Variants in SLC4A8 observed in about 807,000 individuals in gnomAD.
SLC4A8 encodes the protein solute carrier family 4 member 8.
SLC4A8 carries 40 observed loss-of-function variants against 125.0 expected under a neutral mutation model. The observed-to-expected ratio is 0.32, with a 90% CI of 0.25 to 0.42. The LOEUF is 0.42. Among genes scored for constraint, SLC4A8 ranks in the 10% least tolerant of loss-of-function variants. The probability of loss-of-function intolerance (pLI) is 1.00; values close to 1 mark genes in which losing one functional copy is unlikely to be tolerated. For missense variants in SLC4A8, 863 were observed against 1,355.1 expected, an observed-to-expected ratio of 0.64 and a Z score of 5.70; for synonymous variants, 456 against 476.0, an observed-to-expected ratio of 0.96 and a Z score of 0.55.
At chr12:51,483,387 G>C (rs1394708554) in intron 16 of SLC4A8, among the ~76,000 whole-genome samples, 1 of 150,330 alleles carries the variant, frequency 6.7e-6, no homozygotes. Flanking sequence ...GAAAAGAAAG[G>C]GAGCTCAAAT....
At chr12:51,426,088 C>T (rs780858837) in intron 1 of SLC4A8, among the ~76,000 whole-genome samples, 3 of 152,150 alleles carry the variant, frequency 2.0e-5, no homozygotes, top group Admixed American at 6.5e-5. Flanking sequence ...GATGACACGT[C>T]TTGGAAACAA....
At chr12:51,505,003 A>G (rs1278455381) in intron 23 of SLC4A8, among the ~76,000 whole-genome samples, 1 of 152,236 alleles carries the variant, frequency 6.6e-6, no homozygotes, top group African/African-American at 2.4e-5. Context: ...GAGATTCTGA[A>G]GAATTTACTG....
chr12:51,429,208 G>A (rs566155241), intron 1 of SLC4A8, among the ~76,000 whole-genome samples: 1 of 152,322 alleles, frequency 6.6e-6, no homozygotes, highest in South Asian at 2.1e-4. Context: ...TACTCTGCCA[G>A]GCATAGAGAG....
At chr12:51,474,575 C>A (rs1592245881) in intron 15 of SLC4A8, 128 bp downstream of exon 15, 12 of 1,440,926 alleles carry the variant, frequency 8.3e-6, no homozygotes, top group East Asian at 2.5e-5. Flanking sequence ...TTTTAAAAAA[C>A]AATTCTTACT....
chr12:51,402,511 C>T (rs953738675), intron 1 of SLC4A8, among the ~76,000 whole-genome samples: 2 of 152,064 alleles, frequency 1.3e-5, no homozygotes, highest in Admixed American at 6.5e-5. Flanking sequence ...CACCTGAGGT[C>T]GGGAGTTTGG....
At chr12:51,409,175 C>T (rs1285043791) in intron 1 of SLC4A8, among the ~76,000 whole-genome samples, 4 of 152,210 alleles carry the variant, frequency 2.6e-5, no homozygotes, top group South Asian at 2.1e-4. Context: ...CAGGTACACA[C>T]CACTACACCT....
chr12:51,416,332 C>A (rs2137986838), intron 1 of SLC4A8, among the ~76,000 whole-genome samples: 1 of 144,858 alleles, frequency 6.9e-6, no homozygotes, highest in Non-Finnish European at 1.5e-5. Flanking sequence ...AATTTTGAAA[C>A]AAAGAGATGC....
chr12:51,452,386 T>G (rs530505174), intron 4 of SLC4A8, 127 bp downstream of exon 4: 12 of 1,045,626 alleles, frequency 1.1e-5, no homozygotes, highest in African/African-American at 3.1e-5. Flanking sequence ...GGGACTGACA[T>G]TCCAGTGTCT....
chr12:51,465,048 C>T (rs1645068597), intron 11 of SLC4A8, among the ~76,000 whole-genome samples: 1 of 152,042 alleles, frequency 6.6e-6, no homozygotes, highest in Admixed American at 6.6e-5. Context: ...TTTTAAAAAA[C>T]ATTTTCTTTA....
rs1202458993 is a variant in SLC4A8, at chr12:51,400,800, ACATATATAAACATATATGTTTATATACG to A, written c.-112+9313_-112+9340del. 1.0e-3 allele frequency among the ~76,000 whole-genome samples: 96 copies of A among 94,972 alleles called. 2 individuals are homozygous for A. Among genetic ancestry groups the A allele is most frequent in the African/African-American group, 5.6e-3 (92 of 16,510 alleles). The allele number at this position is 94,972 out of a possible 152,430, so 62.3% of individuals were successfully genotyped here. On this transcript the variant is annotated intron_variant, in intron 1 of 24. Coordinates refer to the SLC4A8 transcript ENST00000358657. Reference sequence around the variant, plus strand: ...TATACATACATACACACACACACACACATATATAAACATATATGTTTATATACGTATATAAACATATATGTTTATATAC... The same window carrying A: ...TATACATACATACACACACACACACATATATAAACATATATGTTTATATAC...
chr12:51,489,042 T>C (rs1391696895), intron 18 of SLC4A8, among the ~76,000 whole-genome samples, 182 bp downstream of exon 18: 2 of 152,354 alleles, frequency 1.3e-5, no homozygotes, highest in East Asian at 3.9e-4. Context: ...TTGTATGGTA[T>C]GAAAGCAACG....
intron 1 of SLC4A8, among the ~76,000 whole-genome samples, chr12:51,412,469 T>A (rs1479995287): frequency 3.3e-5 from 5 of 152,236 alleles, no homozygotes; most frequent in Non-Finnish European, 7.3e-5. Flanking sequence ...TATTTTGAAA[T>A]ATACAATAAA....
chr12:51,477,110 G>A (rs1339988412), intron 16 of SLC4A8, among the ~76,000 whole-genome samples: 4 of 151,710 alleles, frequency 2.6e-5, no homozygotes, highest in African/African-American at 9.7e-5. Context: ...CTCCATGTTG[G>A]TTAGGCTGGT....
intron 1 of SLC4A8, among the ~76,000 whole-genome samples, chr12:51,416,218 T>TTTG (rs1295301435): frequency 2.7e-5 from 4 of 149,652 alleles, no homozygotes; most frequent in African/African-American, 7.3e-5. Flanking sequence ...TTTGTTTTTT[T>TTTG]TTTTTTTTTT....
chr12:51,473,008 C>A (rs184439579), intron 14 of SLC4A8, among the ~76,000 whole-genome samples: 1 of 152,060 alleles, frequency 6.6e-6, no homozygotes, highest in African/African-American at 2.4e-5. Context: ...TATCCCACAC[C>A]GGAGTGGTAA....
chr12:51,416,484 A>G (rs1448251718), intron 1 of SLC4A8, among the ~76,000 whole-genome samples: 1 of 152,064 alleles, frequency 6.6e-6, no homozygotes. Context: ...CTCTACTAAA[A>G]ATACAAAAAT....
At chr12:51,444,524 A>G (rs937146771) in intron 2 of SLC4A8, among the ~76,000 whole-genome samples, 3 of 152,220 alleles carry the variant, frequency 2.0e-5, no homozygotes, top group African/African-American at 4.8e-5. Context: ...CAAGGCATCT[A>G]TAGGATGTCT....
chr12:51,473,760 AG>A (rs1401220646), intron 14 of SLC4A8, among the ~76,000 whole-genome samples: 1 of 152,138 alleles, frequency 6.6e-6, no homozygotes, highest in East Asian at 1.9e-4. Flanking sequence ...AAGCTAATGG[AG>A]TTTCTAGGTC....
intron 1 of SLC4A8, among the ~76,000 whole-genome samples, chr12:51,430,616 T>A (rs1949156936): frequency 6.6e-6 from 1 of 152,020 alleles, no homozygotes; most frequent in Non-Finnish European, 1.5e-5. Context: ...GGCAGACTTG[T>A]CAAGCAGAGA....
Sources: gnomAD v4.1 joint callset for allele counts (sites outside exome capture counted in the v4.1 genomes callset) on GRCh38, gnomAD v4.1.1 for gene constraint, MANE v1.5 for transcripts, NCBI Gene and HGNC (gene_info 2026-07-23, HGNC 2026-07-21) for gene names.